The following PRRX2 variants were observed in gnomAD, a reference collection of about 807,000 sequenced individuals.
The protein encoded by PRRX2 is paired mesoderm homeobox protein 2.
In PRRX2, 11 loss-of-function variants were observed where a neutral mutation model predicts 18.0. The observed-to-expected ratio is 0.61, with a 90% CI of 0.39 to 1.01. The LOEUF (loss-of-function observed/expected upper bound fraction) is 1.01. Among genes scored for constraint, PRRX2 ranks in the 50% least tolerant of loss-of-function variants. PRRX2 has a pLI of 0.01. For missense variants in PRRX2, 387 were observed against 351.0 expected (o/e 1.10, Z -0.82); for synonymous variants, 177 against 154.8 (o/e 1.14, Z -1.06).
rs1239085979 is a variant in PRRX2 at position 129,675,854 on chromosome 9, C to G, written c.259+9728C>G. Reference sequence around the variant, plus strand: ...CCGCCAGAGCTCTGCGCGGGCCTCCCGTATAAAACCCCGCAGAACGCCGAG... The same window carrying G: ...CCGCCAGAGCTCTGCGCGGGCCTCCGGTATAAAACCCCGCAGAACGCCGAG... On this transcript the variant is annotated intron_variant, in intron 1 of 3. Coordinates refer to ENST00000372469, the MANE Select transcript of PRRX2 (RefSeq NM_016307.4). This position sits in a 1 kb window ranked among gnomAD's most constrained non-coding sequence, Gnocchi z 4.4. 1.3e-5 allele frequency among the ~76,000 whole-genome samples: 2 copies of G among 152,206 alleles called. No individual in the cohort carries two copies. Among genetic ancestry groups the G allele is most frequent in the African/African-American group, 4.8e-5 (2 of 41,452 alleles).
intron 3 of PRRX2, among the ~76,000 whole-genome samples, chr9:129,721,727 C>T (rs1005085186): frequency 6.6e-6 from 1 of 152,124 alleles, no homozygotes; most frequent in Non-Finnish European, 1.5e-5. Flanking sequence ...TTACAAACGC[C>T]CGTCACCACG....
intron 1 of PRRX2, among the ~76,000 whole-genome samples, chr9:129,694,317 C>G (rs915552546): frequency 2.0e-5 from 3 of 152,126 alleles, no homozygotes; most frequent in Non-Finnish European, 4.4e-5. Flanking sequence ...CCCGACTAGC[C>G]GGGACTATGG....
chr9:129,693,469 C>A lies in PRRX2; in HGVS notation c.260-25762C>A, dbSNP rs562840941. On this transcript the variant is annotated intron_variant, in intron 1 of 3. Transcript: ENST00000372469. Reference sequence around the variant, plus strand: ...ATTAGCTGGGCATGGTGGTGGGTGCCTGTAATCCCAGCTACTTGGGAGGCT... The same window carrying A: ...ATTAGCTGGGCATGGTGGTGGGTGCATGTAATCCCAGCTACTTGGGAGGCT... Among the ~76,000 whole-genome samples the A allele has an allele frequency of 5.9e-5, 9 of 152,222 alleles. No individual in the cohort carries two copies. The South Asian group carries it at 1.9e-3, about 32-fold the overall frequency.
intron 1 of PRRX2, among the ~76,000 whole-genome samples, chr9:129,707,521 C>T (rs1208148057): frequency 6.6e-6 from 1 of 152,056 alleles, no homozygotes; most frequent in East Asian, 1.9e-4. Flanking sequence ...CGCGGTGGCT[C>T]ACACGTGTAA....
rs748515484 is a variant in PRRX2 at position 129,675,800 on chromosome 9, G to A, written c.259+9674G>A. Among the ~76,000 whole-genome samples, 42 of 152,340 alleles carry A rather than the reference G, an allele frequency of 2.8e-4. No homozygotes were observed. Among genetic ancestry groups the A allele is most frequent in the Non-Finnish European group, 5.4e-4 (37 of 68,014 alleles). ...AAAGCGGGAGCCGCCAGGCGGGCGC[G>A]CCTGGCAGGGGCCTCGCAGCCTCTC... is the stretch of plus-strand genomic sequence containing the variant. On this transcript the variant is annotated intron_variant, in intron 1 of 3. Transcript: ENST00000372469. The surrounding 1 kb of genome is among the most constrained non-coding windows in gnomAD (Gnocchi z 4.4).
At chr9:129,699,437 A>ATGTGTGTGTG (rs1331347283) in intron 1 of PRRX2, among the ~76,000 whole-genome samples, 167 of 140,438 alleles carry the variant, frequency 1.2e-3, no homozygotes, top group African/African-American at 4.2e-3. Flanking sequence ...AAAAATATAT[A>ATGTGTGTGTG]TATGTGTGTG....
chr9:129,708,821 G>A (rs1416293751), intron 1 of PRRX2, among the ~76,000 whole-genome samples: 1 of 152,196 alleles, frequency 6.6e-6, no homozygotes, highest in Non-Finnish European at 1.5e-5. Flanking sequence ...CATTTACATA[G>A]TCATTCATTC....
In PRRX2 at chr9:129,701,533, A is replaced by G. The variant is rs775655433; in HGVS notation, c.260-17698A>G. Among the ~76,000 whole-genome samples, 69 of 152,348 alleles carry G rather than the reference A, an allele frequency of 4.5e-4. No individual in the cohort carries two copies. In the Middle Eastern group the frequency reaches 0.01, roughly 23 times the overall value. On this transcript the variant is annotated intron_variant, in intron 1 of 3. Transcript: ENST00000372469. ...GGCAGGTTGTCCACTGCATAACTGC[A>G]GGGGACACCAGTCACACTGGAGTCT...
intron 1 of PRRX2, among the ~76,000 whole-genome samples, chr9:129,690,937 A>G (rs1202344065): frequency 6.6e-6 from 1 of 152,128 alleles, no homozygotes. Flanking sequence ...GCTGTAAACT[A>G]GAGTGGTGTG....
At chr9:129,711,993 C>G (rs1168688424) in intron 1 of PRRX2, among the ~76,000 whole-genome samples, 2 of 152,154 alleles carry the variant, frequency 1.3e-5, no homozygotes, top group Non-Finnish European at 2.9e-5. Flanking sequence ...AAATCTCTAC[C>G]AAGAAATCTC....
chr9:129,716,764 T>C (rs557615617), intron 1 of PRRX2, among the ~76,000 whole-genome samples: 56 of 152,206 alleles, frequency 3.7e-4, no homozygotes, highest in African/African-American at 1.1e-3. Flanking sequence ...CGCTATGCTT[T>C]CTTTTGATAG....
At position 129,716,476 on chromosome 9, in the gene PRRX2, C is replaced by T. The variant is rs539406337; in HGVS notation, c.260-2755C>T. On this transcript the variant is annotated intron_variant, in intron 1 of 3. Coordinates refer to ENST00000372469, the MANE Select transcript of PRRX2 (RefSeq NM_016307.4). ...TTTCTTTTTTTTTTTTTTTTTGAGA[C>T]AAGAGTCTCACTCTGTCGCCCAGGC... Among the ~76,000 whole-genome samples, 224 of 141,108 alleles carry T rather than the reference C, an allele frequency of 1.6e-3. 2 individuals are homozygous for T. Among genetic ancestry groups the T allele is most frequent in the African/African-American group, 5.6e-3 (214 of 37,936 alleles). The allele number at this position is 141,108 out of a possible 152,430, so 92.6% of individuals were successfully genotyped here.
chr9:129,679,098 G>A (rs1015560616), intron 1 of PRRX2, among the ~76,000 whole-genome samples: 73 of 152,194 alleles, frequency 4.8e-4, no homozygotes, highest in African/African-American at 1.6e-3. Flanking sequence ...TCAGGGAGGT[G>A]GGGACGGGGG....
At chr9:129,703,254 TAG>T (rs1347810631) in intron 1 of PRRX2, among the ~76,000 whole-genome samples, 1 of 152,044 alleles carries the variant, frequency 6.6e-6, no homozygotes, top group Non-Finnish European at 1.5e-5. Context: ...CTTGTTCGGG[TAG>T]AGAGGGGTGG....
At chr9:129,686,132 G>A (rs1832296866) in intron 1 of PRRX2, among the ~76,000 whole-genome samples, 1 of 152,190 alleles carries the variant, frequency 6.6e-6, no homozygotes, top group Admixed American at 6.5e-5. Context: ...TGTAGTGGGT[G>A]GGGCTCGTAG....
intron 1 of PRRX2, among the ~76,000 whole-genome samples, chr9:129,690,276 C>T (rs1832345799): frequency 6.6e-6 from 1 of 152,156 alleles, no homozygotes; most frequent in African/African-American, 2.4e-5. Flanking sequence ...CTTTTCCAGC[C>T]CTCTGGGCAC....
rs1832147030 is a variant in PRRX2, at chr9:129,675,059, G to A, written c.259+8933G>A. 6.6e-6 allele frequency among the ~76,000 whole-genome samples: 1 copy of A among 152,144 alleles called. No individual in the cohort carries two copies. The highest frequency in any genetic ancestry group is 2.1e-4 in the South Asian group (1 of 4,834). On this transcript the variant is annotated intron_variant, in intron 1 of 3. Coordinates refer to ENST00000372469, the MANE Select transcript of PRRX2 (RefSeq NM_016307.4). This position sits in a 1 kb window ranked among gnomAD's most constrained non-coding sequence, Gnocchi z 4.4. ...CCATTACCCTCCTCAGTTTACCCGA[G>A]TGGAAAGCGGTCCTCTCGAGGGGAC... is the stretch of plus-strand genomic sequence containing the variant.
chr9:129,702,860 T>A (rs1027045177), intron 1 of PRRX2, among the ~76,000 whole-genome samples: 4 of 152,098 alleles, frequency 2.6e-5, no homozygotes, highest in African/African-American at 9.7e-5. Context: ...CGTGGCAAAG[T>A]GTGGCAAGGG....
At chr9:129,702,580 G>C (rs1446675065) in intron 1 of PRRX2, among the ~76,000 whole-genome samples, 2 of 152,212 alleles carry the variant, frequency 1.3e-5, no homozygotes, top group Non-Finnish European at 2.9e-5. Context: ...TCATTGAGAT[G>C]GCCACGTGCA....
Sources: gnomAD v4.1 joint callset for allele counts (sites outside exome capture counted in the v4.1 genomes callset) on GRCh38, gnomAD v4.1.1 for gene constraint, Gnocchi (gnomAD v3.1) non-coding constraint, MANE v1.5 for transcripts, NCBI Gene and HGNC (gene_info 2026-07-23, HGNC 2026-07-21) for gene names.